The following CHRM3 variants were observed in gnomAD, a reference collection of about 807,000 sequenced individuals.
CHRM3 encodes cholinergic receptor muscarinic 3, also known as muscarinic acetylcholine receptor M3.
Under a neutral mutation model 41.8 loss-of-function variants are expected in CHRM3, and 11 were observed. The observed-to-expected ratio is 0.26, with a 90% CI of 0.17 to 0.44. The LOEUF is 0.44. CHRM3 is among the 20% of genes least tolerant of loss of function. The pLI is 1.00. For missense variants in CHRM3, 571 were observed against 745.4 expected (o/e 0.77, Z 2.72); for synonymous variants, 297 against 301.4 (o/e 0.99, Z 0.15).
chr1:239,681,940 T>C (rs1207863891), intron 5 of CHRM3, among the ~76,000 whole-genome samples: 1 of 152,174 alleles, frequency 6.6e-6, no homozygotes, highest in African/African-American at 2.4e-5. Context: ...ATGTGAGGCA[T>C]GGTTACCTTC....
intron 4 of CHRM3, among the ~76,000 whole-genome samples, chr1:239,649,840 A>T (rs1672077707): frequency 6.6e-6 from 1 of 152,180 alleles, no homozygotes; most frequent in Non-Finnish European, 1.5e-5. Flanking sequence ...TCAGAAAAGG[A>T]GGCAGTCCTC....
At chr1:239,398,116 G>A (rs1441273950) in intron 1 of CHRM3, among the ~76,000 whole-genome samples, 1 of 152,118 alleles carries the variant, frequency 6.6e-6, no homozygotes, top group Non-Finnish European at 1.5e-5. Flanking sequence ...AGAGATAGCA[G>A]CAAAGGAGAC....
intron 6 of CHRM3, among the ~76,000 whole-genome samples, chr1:239,842,392 G>A (rs1673887665): frequency 6.6e-6 from 1 of 151,966 alleles, no homozygotes; most frequent in Non-Finnish European, 1.5e-5. Flanking sequence ...CCGCCATCAT[G>A]CCTGGCTAAT....
intron 3 of CHRM3, among the ~76,000 whole-genome samples, chr1:239,594,116 G>T (rs1664514193): frequency 6.6e-6 from 1 of 152,138 alleles, no homozygotes; most frequent in African/African-American, 2.4e-5. Flanking sequence ...TCTGTGTTAT[G>T]ACACAATTTA....
At chr1:239,585,028 C>A (rs1646134942) in intron 3 of CHRM3, among the ~76,000 whole-genome samples, 2 of 150,322 alleles carry the variant, frequency 1.3e-5, no homozygotes, top group Non-Finnish European at 3.0e-5. Context: ...AAGAGGCAAC[C>A]ATTCTTCAGG....
chr1:239,861,612 G>T (rs1189582787), intron 6 of CHRM3, among the ~76,000 whole-genome samples: 1 of 152,128 alleles, frequency 6.6e-6, no homozygotes, highest in African/African-American at 2.4e-5. Flanking sequence ...ACCAAGTTGG[G>T]CAAGGTTGGG....
intron 2 of CHRM3, among the ~76,000 whole-genome samples, chr1:239,503,201 A>G (rs190510554): frequency 6.6e-6 from 1 of 152,310 alleles, no homozygotes; most frequent in East Asian, 1.9e-4. Flanking sequence ...GGATAAAAGA[A>G]CTTGGCAAAG....
intron 5 of CHRM3, among the ~76,000 whole-genome samples, chr1:239,750,498 G>T (rs1309449464): frequency 2.0e-5 from 3 of 152,160 alleles, no homozygotes; most frequent in African/African-American, 7.2e-5. Context: ...TCTCACCAAT[G>T]TTAAGTTTAG....
intron 5 of CHRM3, among the ~76,000 whole-genome samples, chr1:239,813,041 A>G (rs1412908010): frequency 6.6e-6 from 1 of 152,178 alleles, no homozygotes; most frequent in Admixed American, 6.5e-5. Context: ...GCACTTTGGG[A>G]GGCCAAGGCA....
chr1:239,582,871 A>G (rs1663029013), intron 3 of CHRM3, among the ~76,000 whole-genome samples: 1 of 152,180 alleles, frequency 6.6e-6, no homozygotes, highest in Non-Finnish European at 1.5e-5. Flanking sequence ...GATAAAATCC[A>G]CAGACTTTAA....
At chr1:239,704,140 T>C (rs968305782) in intron 5 of CHRM3, 5 of 152,156 alleles carry the variant, frequency 3.3e-5, no homozygotes, top group Admixed American at 2.0e-4. Flanking sequence ...CTTTTGGAAA[T>C]AGACTATACT....
At chr1:239,878,142 G>A (rs1033201704) in intron 6 of CHRM3, among the ~76,000 whole-genome samples, 7 of 151,586 alleles carry the variant, frequency 4.6e-5, no homozygotes, top group East Asian at 3.9e-4. Flanking sequence ...CACCCGCTTC[G>A]GCCTCCCAAA....
Position 239,913,556 on chromosome 1 carries a change from C to T in CHRM3, c.*4332C>T, listed in dbSNP as rs1680480186. On this transcript the variant is annotated 3_prime_UTR_variant, in exon 7 of 7. Coordinates refer to ENST00000676153, the MANE Select transcript of CHRM3 (RefSeq NM_001375978.1). The stretch of plus-strand genomic sequence containing the variant: ...ACTCTAAATCTTCAGCCTCTCCCAG[C>T]ATTAATGTGTGAGTCAACATTGCAG... 6.0e-6 allele frequency: 1 copy of T among 166,944 alleles called. No individual in the cohort carries two copies. Among genetic ancestry groups the T allele is most frequent in the Non-Finnish European group, 1.5e-5 (1 of 68,132 alleles). 10.3% of individuals were successfully genotyped at this position (166,944 alleles called of 1,614,324 possible).
intron 3 of CHRM3, among the ~76,000 whole-genome samples, chr1:239,624,974 G>A: frequency 2.3e-5 from 1 of 43,234 alleles, no homozygotes; most frequent in African/African-American, 1.3e-4. Flanking sequence ...GATTGACTTG[G>A]CGATGCGGGC....
At chr1:239,688,176 A>G (rs1271282652) in intron 5 of CHRM3, among the ~76,000 whole-genome samples, 1 of 149,600 alleles carries the variant, frequency 6.7e-6, no homozygotes, top group African/African-American at 2.4e-5. Context: ...ATACATATAT[A>G]TAATATACAC....
chr1:239,685,001 T>C (rs1386043398), intron 5 of CHRM3, among the ~76,000 whole-genome samples: 1 of 152,168 alleles, frequency 6.6e-6, no homozygotes, highest in Non-Finnish European at 1.5e-5. Flanking sequence ...ACCTCTCCCT[T>C]GCATCTTCTT....
intron 1 of CHRM3, among the ~76,000 whole-genome samples, chr1:239,414,770 G>A (rs1393379687): frequency 2.6e-5 from 4 of 152,206 alleles, no homozygotes; most frequent in Non-Finnish European, 5.9e-5. Context: ...CACGTGGTGA[G>A]TAGTGAGATT....
At chr1:239,899,164 T>G (rs1679265652) in intron 6 of CHRM3, among the ~76,000 whole-genome samples, 2 of 152,116 alleles carry the variant, frequency 1.3e-5, no homozygotes. Context: ...GAAGTGATAT[T>G]GATTGTCATT....
chr1:239,520,845 A>T (rs1327793829), intron 2 of CHRM3, among the ~76,000 whole-genome samples: 1 of 152,174 alleles, frequency 6.6e-6, no homozygotes, highest in Admixed American at 6.5e-5. Context: ...GACTTTCAAA[A>T]GCAACTTCAA....
Sources: allele counts gnomAD v4.1 joint callset (sites outside exome capture counted in the v4.1 genomes callset), GRCh38; gene constraint gnomAD v4.1.1; transcripts MANE v1.5; gene names NCBI Gene and HGNC (gene_info 2026-07-23, HGNC 2026-07-21).